The following ZFHX3 variants were observed in gnomAD, a reference collection of about 807,000 sequenced individuals.
ZFHX3 encodes the protein zinc finger homeobox 3.
In ZFHX3, 42 loss-of-function variants were observed where a neutral mutation model predicts 279.1. The observed-to-expected ratio is 0.15, with a 90% confidence interval of 0.12 to 0.19. The LOEUF is 0.19. ZFHX3 is among the 10% of genes least tolerant of loss of function. The pLI, the probability that ZFHX3 is intolerant of heterozygous loss-of-function variation, is 1.00. For missense variants in ZFHX3, 4,981 were observed against 4,754.0 expected, an observed-to-expected ratio of 1.05 and a Z score of -1.40; for synonymous variants, 2,293 against 1,957.8, an observed-to-expected ratio of 1.17 and a Z score of -4.52.
intron 3 of ZFHX3, among the ~76,000 whole-genome samples, chr16:73,350,789 C>G (rs2016226889): frequency 6.6e-6 from 1 of 152,198 alleles, no homozygotes; most frequent in Non-Finnish European, 1.5e-5. Flanking sequence ...TGGTGAGCAG[C>G]TTTGAGAGTC....
At chr16:73,593,851 T>C (rs1256253222) in intron 2 of ZFHX3, among the ~76,000 whole-genome samples, 1 of 152,238 alleles carries the variant, frequency 6.6e-6, no homozygotes. Context: ...CAAATCTATT[T>C]ATTCAACATA....
In ZFHX3 at chr16:72,935,664, G is replaced by C. The variant is rs569325101; in HGVS notation, c.3216+14805C>G. On this transcript the variant is annotated intron_variant, in intron 3 of 9. Coordinates refer to ENST00000268489, the MANE Select transcript of ZFHX3 (RefSeq NM_006885.4). ...GCTGAGAATCGCTTGAACTCGGGAG[G>C]GGGGGGTTGCAGTGAGCTGAGATCA... 3.4e-4 allele frequency among the ~76,000 whole-genome samples: 51 copies of C among 151,900 alleles called. No individual in the cohort carries two copies. In the East Asian group the frequency reaches 6.2e-3, roughly 19 times the overall value.
Position 73,255,991 on chromosome 16 carries a change from T to A in ZFHX3, c.-1104+1056A>T, listed in dbSNP as rs1005750182. 1.2e-4 allele frequency among the ~76,000 whole-genome samples: 18 copies of A among 152,110 alleles called. 1 individual carries two copies. Among genetic ancestry groups the A allele is most frequent in the African/African-American group, 4.3e-4 (18 of 41,404 alleles). ...TCACATTCCCTTAGTCATTTCACAGTGATGACACCCTGAGGAGCAAAGCCC... is the reference window on the plus strand; with the variant it reads ...TCACATTCCCTTAGTCATTTCACAGAGATGACACCCTGAGGAGCAAAGCCC... On this transcript the variant is annotated intron_variant, in intron 5 of 17. Transcript: ENST00000641206.
intron 3 of ZFHX3, among the ~76,000 whole-genome samples, chr16:72,930,849 G>A (rs555288646): frequency 1.3e-5 from 2 of 152,166 alleles, no homozygotes; most frequent in Non-Finnish European, 2.9e-5. Flanking sequence ...GTCATAAAAT[G>A]TAAAATGTGG....
At chr16:73,649,069 C>A (rs1161856243) in intron 2 of ZFHX3, among the ~76,000 whole-genome samples, 1 of 152,164 alleles carries the variant, frequency 6.6e-6, no homozygotes, top group Non-Finnish European at 1.5e-5. Context: ...TCAACAGGAA[C>A]AAAATATCAC....
intron 3 of ZFHX3, among the ~76,000 whole-genome samples, chr16:73,442,276 C>T (rs549980147): frequency 6.6e-6 from 1 of 152,176 alleles, no homozygotes; most frequent in South Asian, 2.1e-4. Flanking sequence ...TCTTCTGAGG[C>T]CTCTCTCCTT....
intron 3 of ZFHX3, among the ~76,000 whole-genome samples, chr16:72,947,359 C>A (rs1460772222): frequency 6.6e-6 from 1 of 152,204 alleles, no homozygotes; most frequent in Non-Finnish European, 1.5e-5. Context: ...ATTAGCACAA[C>A]CCTCTCTCAT....
chr16:73,613,081 T>A (rs576751115), intron 2 of ZFHX3, among the ~76,000 whole-genome samples: 1 of 152,310 alleles, frequency 6.6e-6, no homozygotes, highest in South Asian at 2.1e-4. Context: ...GGGAAACAGA[T>A]GAAATAGAAA....
intron 3 of ZFHX3, among the ~76,000 whole-genome samples, chr16:73,332,946 T>C (rs2015834284): frequency 6.6e-6 from 1 of 152,178 alleles, no homozygotes; most frequent in Non-Finnish European, 1.5e-5. Context: ...CTTTCCTTTC[T>C]TTTTTCCTTC....
At chr16:73,208,647 C>A (rs2011896086) in intron 5 of ZFHX3, among the ~76,000 whole-genome samples, 1 of 152,174 alleles carries the variant, frequency 6.6e-6, no homozygotes, top group African/African-American at 2.4e-5. Context: ...GGCAAATATG[C>A]CTGTAAAACA....
chr16:72,880,111 A>G (rs997220216), intron 4 of ZFHX3, among the ~76,000 whole-genome samples: 6 of 152,108 alleles, frequency 3.9e-5, no homozygotes, highest in African/African-American at 1.4e-4. Flanking sequence ...GAAACCAGAG[A>G]AGGCCTGGTG....
At chr16:73,313,918 G>C (rs951900259) in intron 4 of ZFHX3, among the ~76,000 whole-genome samples, 1 of 152,122 alleles carries the variant, frequency 6.6e-6, no homozygotes. Flanking sequence ...GACCAGCTTG[G>C]GTAACGTGGG....
chr16:73,549,157 G>A (rs776546621), intron 2 of ZFHX3, among the ~76,000 whole-genome samples: 1 of 152,020 alleles, frequency 6.6e-6, no homozygotes, highest in Admixed American at 6.5e-5. Flanking sequence ...GGTGAGGATC[G>A]TCTCAATCTA....
chr16:72,800,736 GC>G (rs58287024), intron 7 of ZFHX3, among the ~76,000 whole-genome samples: 13,761 of 152,206 alleles, frequency 0.09, 845 homozygotes, highest in Non-Finnish European at 0.14. Flanking sequence ...GCACAAACAA[GC>G]CTTTTTTTGT....
chr16:73,301,300 G>A (rs761591297), intron 4 of ZFHX3, among the ~76,000 whole-genome samples: 3 of 152,180 alleles, frequency 2.0e-5, no homozygotes, highest in Non-Finnish European at 2.9e-5. Flanking sequence ...GCGGAAGAAG[G>A]AAGGATTAGA....
chr16:73,436,207 G>A (rs2017995417), intron 3 of ZFHX3, among the ~76,000 whole-genome samples: 1 of 152,204 alleles, frequency 6.6e-6, no homozygotes, highest in South Asian at 2.1e-4. Context: ...TGTAATCCCA[G>A]CTGCTTGGGA....
At chr16:73,345,393 C>T (rs1024125714) in intron 3 of ZFHX3, among the ~76,000 whole-genome samples, 9 of 142,534 alleles carry the variant, frequency 6.3e-5, no homozygotes, top group African/African-American at 2.3e-4. Flanking sequence ...TCCCTCCCCC[C>T]ACCCCACCCC....
chr16:73,873,665 G>A (rs1041764008), intron 1 of ZFHX3, among the ~76,000 whole-genome samples: 33 of 152,180 alleles, frequency 2.2e-4, no homozygotes, highest in Admixed American at 1.8e-3. Context: ...CCTAAGGAAT[G>A]TTGAAAGTTA....
intron 2 of ZFHX3, among the ~76,000 whole-genome samples, chr16:73,550,100 T>C (rs2020181253): frequency 6.6e-6 from 1 of 152,068 alleles, no homozygotes; most frequent in South Asian, 2.1e-4. Flanking sequence ...TCAGAGGGCA[T>C]TGATCAGCCC....
Sources: gnomAD v4.1 joint callset for allele counts (sites outside exome capture counted in the v4.1 genomes callset) on GRCh38, gnomAD v4.1.1 for gene constraint, MANE v1.5 for transcripts, NCBI Gene and HGNC (gene_info 2026-07-23, HGNC 2026-07-21) for gene names.